The following MECR variants were observed in gnomAD, a reference collection of about 807,000 sequenced individuals.
MECR encodes mitochondrial trans-2-enoyl-CoA reductase.
A neutral mutation model predicts 49.1 loss-of-function variants in MECR; 37 were observed. That is an observed-to-expected ratio of 0.75 (90% CI 0.58 to 0.99). The LOEUF (loss-of-function observed/expected upper bound fraction) is 0.99. Ranked by LOEUF, MECR falls within the 50% of genes least tolerant of loss-of-function variation. MECR has a pLI of 0.00. For synonymous variants in MECR, 198 were observed against 191.1 expected (o/e 1.04, Z -0.30); for missense variants, 470 against 479.6 (o/e 0.98, Z 0.19).
At chr1:29,196,926 G>T (rs1674147813) in intron 7 of MECR, among the ~76,000 whole-genome samples, 1 of 152,142 alleles carries the variant, frequency 6.6e-6, no homozygotes, top group African/African-American at 2.4e-5. Context: ...GATCACTTGA[G>T]CCTGGGAGGT....
In MECR at chr1:29,193,945, A is replaced by G; in HGVS notation, c.*77T>C. ...AGAACAGTAGTCTGGGGAAGGTGGG[A>G]GCCCCAACTGAGGGGCCTGCACCCA... On this transcript the variant is annotated 3_prime_UTR_variant, in exon 10 of 10. Transcript: ENST00000263702. The G allele has an allele frequency of 6.5e-7, 1 of 1,539,328 alleles. No homozygotes were observed. The highest frequency in any genetic ancestry group is 8.9e-7 in the Non-Finnish European group (1 of 1,129,218).
At chr1:29,223,407 C>G in intron 1 of MECR, 5 of 391,942 alleles carry the variant, frequency 1.3e-5, no homozygotes, top group Non-Finnish European at 1.7e-5. Flanking sequence ...GCTGAGATAT[C>G]TTTCCTGCGT....
At chr1:29,177,758 C>T in the MECR span, among the ~76,000 whole-genome samples, 5 of 152,222 alleles carry the variant, frequency 3.3e-5, no homozygotes, top group South Asian at 2.1e-4. Flanking sequence ...TGTAATAAAA[C>T]GGTAGGCAAT....
At chr1:29,177,237 T>C in the MECR span, among the ~76,000 whole-genome samples, 75 of 151,678 alleles carry the variant, frequency 4.9e-4, no homozygotes, top group African/African-American at 1.7e-3. Context: ...TTCCTTGACG[T>C]GCATCTAGGA....
At chr1:29,218,074 C>A (rs1232332042) in intron 1 of MECR, among the ~76,000 whole-genome samples, 1 of 152,176 alleles carries the variant, frequency 6.6e-6, no homozygotes. Context: ...CCTCTGGAAG[C>A]CTCTTCCATG....
intron 1 of MECR, chr1:29,223,415 C>A (rs1006026114): frequency 9.3e-6 from 3 of 321,400 alleles, no homozygotes; most frequent in Non-Finnish European, 1.3e-5. Flanking sequence ...ATCTTTCCTG[C>A]GTTCCACATT....
In MECR at chr1:29,194,098, G is replaced by A. The variant is rs760594802; in HGVS notation, c.1046C>T (p.Pro349Leu). The stretch of plus-strand genomic sequence containing the variant: ...CAAGGCAGACTGGTAGTCCTGCAGC[G>A]GGACCTGGGAGCAGGCAGGGGCTGT... The part of the protein sequence containing the change: ...QLTAPACSQV[P>L]LQDYQSALEA... The change falls in exon 10 of 10, where the codon CCG becomes CTG. Residue 349 changes from proline to leucine, a missense_variant. Transcript: ENST00000263702. 18 of 1,614,156 alleles carry A rather than the reference G, an allele frequency of 1.1e-5. No individual in the cohort carries two copies. The highest frequency in any genetic ancestry group is 4.4e-5 in the South Asian group (4 of 91,084).
chr1:29,200,728 G>A, intron 6 of MECR, 139 bp from the exon 7 acceptor site: 5 of 643,094 alleles, frequency 7.8e-6, no homozygotes, highest in South Asian at 3.8e-5. Flanking sequence ...TTATGTATAT[G>A]TGTGTGTGTT....
At chr1:29,181,855 C>A in the MECR span, 1 of 972,304 alleles carries the variant, frequency 1.0e-6, no homozygotes, top group Non-Finnish European at 1.4e-6. Context: ...AACGGGCGGG[C>A]GGCGGGACGG....
intron 4 of MECR, among the ~76,000 whole-genome samples, chr1:29,203,720 C>T (rs1675885912): frequency 6.6e-6 from 1 of 152,224 alleles, no homozygotes; most frequent in Non-Finnish European, 1.5e-5. Context: ...TATTAATGCA[C>T]ATACCACGGT....
intron 1 of MECR, chr1:29,220,993 C>T (rs981889872): frequency 1.2e-6 from 1 of 806,814 alleles, no homozygotes; most frequent in African/African-American, 1.9e-5. Context: ...CGTAATTCAA[C>T]AAATATTTAT....
chr1:29,216,621 G>T lies in MECR; in HGVS notation c.241C>A (p.Pro81Thr). 6.2e-7 allele frequency: 1 copy of T among 1,614,164 alleles called. No homozygotes were observed. Among genetic ancestry groups the T allele is most frequent in the Non-Finnish European group, 8.5e-7 (1 of 1,180,038 alleles). ...ATATTTATGTCAGATGGATTGATAGGGGCCGCCAGCATCTTCACACGGACA... is the reference window on the plus strand; with the variant it reads ...ATATTTATGTCAGATGGATTGATAGTGGCCGCCAGCATCTTCACACGGACA... ...SDVRVKMLAAPINPSDINMIQ... is the reference protein window; with the variant it reads ...SDVRVKMLAATINPSDINMIQ... Residue 81 changes from proline (P) to threonine (T), a missense_variant, in exon 2 of 10, where the codon CCT (proline) becomes ACT (threonine). Transcript: ENST00000263702.
In MECR at chr1:29,216,499, A is replaced by G; in HGVS notation, c.274+89T>C. 6 of 1,322,820 alleles carry G rather than the reference A, an allele frequency of 4.5e-6. No individual in the cohort carries two copies. In the Admixed American group the frequency reaches 1.0e-4, roughly 22 times the overall value. The allele number at this position is 1,322,820 out of a possible 1,614,324, so 81.9% of individuals were successfully genotyped here. A position where few individuals can be genotyped will look rare whatever the true frequency, so the allele number is the denominator to read the frequency against. ...AGAACAGCTGCTGCTAATCACAGGC[A>G]TTTCACACCCACACCTGAGGAGGAA... On this transcript the variant is annotated intron_variant, in intron 2 of 9. Transcript: ENST00000263702.
the MECR span, among the ~76,000 whole-genome samples, chr1:29,177,509 T>C: frequency 1.3e-5 from 2 of 152,192 alleles, no homozygotes; most frequent in African/African-American, 2.4e-5. Flanking sequence ...CTTGAACTTA[T>C]GACCTTGGGT....
chr1:29,171,652 C>A, the MECR span: 1 of 152,022 alleles, frequency 6.6e-6, no homozygotes, highest in Non-Finnish European at 1.5e-5. Context: ...ATCACCCCAA[C>A]GGTATTCTCT....
chr1:29,214,061 CTTT>C (rs1200557418), intron 3 of MECR, among the ~76,000 whole-genome samples: 1 of 138,528 alleles, frequency 7.2e-6, no homozygotes, highest in Admixed American at 7.3e-5. Context: ...AATCAACTTT[CTTT>C]TTTTTTTTTT....
At chr1:29,216,498 C>T in intron 2 of MECR, 90 bp downstream of exon 2, 1 of 1,287,184 alleles carries the variant, frequency 7.8e-7, no homozygotes, top group Non-Finnish European at 1.1e-6. Context: ...TAATCACAGG[C>T]ATTTCACACC....
intron 1 of MECR, among the ~76,000 whole-genome samples, chr1:29,222,617 A>G (rs1439226324): frequency 6.6e-6 from 1 of 152,120 alleles, no homozygotes; most frequent in Non-Finnish European, 1.5e-5. Context: ...TTGAGAAACG[A>G]TGCTCTGGGC....
At chr1:29,176,758 A>C in the MECR span, among the ~76,000 whole-genome samples, 9 of 152,218 alleles carry the variant, frequency 5.9e-5, no homozygotes, top group Admixed American at 3.3e-4. Flanking sequence ...TGGTGCATTA[A>C]ACAAGGGCGA....
Sources: gnomAD v4.1 joint callset for allele counts (sites outside exome capture counted in the v4.1 genomes callset) on GRCh38, gnomAD v4.1.1 for gene constraint, MANE v1.5 for transcripts, NCBI Gene and HGNC (gene_info 2026-07-23, HGNC 2026-07-21) for gene names.